PTPRD: variants seen among roughly 807,000 people sequenced by gnomAD.
The protein encoded by PTPRD is receptor-type tyrosine-protein phosphatase delta.
Under a neutral mutation model 214.5 loss-of-function variants are expected in PTPRD, and 34 were observed. The observed-to-expected ratio is 0.16, with a 90% CI of 0.12 to 0.21. The LOEUF is 0.21. PTPRD is among the 10% of genes least tolerant of loss of function. The pLI, the probability that PTPRD is intolerant of heterozygous loss-of-function variation, is 1.00. For missense variants in PTPRD, 2,545 were observed against 2,398.7 expected (o/e 1.06, Z -1.27); for synonymous variants, 1,128 against 845.7 (o/e 1.33, Z -5.79).
At chr9:10,031,028 T>C (rs148480105) in intron 4 of PTPRD, among the ~76,000 whole-genome samples, 1 of 152,144 alleles carries the variant, frequency 6.6e-6, no homozygotes, top group East Asian at 1.9e-4. Context: ...AGAGCAAAAT[T>C]GATTAATCTA....
intron 35 of PTPRD, among the ~76,000 whole-genome samples, chr9:8,414,168 A>T (rs1019754252): frequency 6.6e-6 from 1 of 152,176 alleles, no homozygotes; most frequent in African/African-American, 2.4e-5. Context: ...ATGATGAAAC[A>T]AATATATATT....
chr9:10,349,962 G>T (rs1462348653), intron 2 of PTPRD, among the ~76,000 whole-genome samples: 2 of 152,150 alleles, frequency 1.3e-5, no homozygotes, highest in Non-Finnish European at 2.9e-5. Context: ...TGCCCAGCCG[G>T]GATCCTTTTT....
At chr9:9,265,203 A>G (rs1938710559) in intron 9 of PTPRD, among the ~76,000 whole-genome samples, 1 of 151,700 alleles carries the variant, frequency 6.6e-6, no homozygotes, top group African/African-American at 2.4e-5. Flanking sequence ...AGACAAAAAT[A>G]TTGAAAATAA....
chr9:8,833,715 TACACACACACAC>T lies in PTPRD; in HGVS notation c.-103-99781_-103-99770del, dbSNP rs1177957119. Among the ~76,000 whole-genome samples, 32 of 133,748 alleles carry T rather than the reference TACACACACACAC, an allele frequency of 2.4e-4. No homozygotes were observed. In the East Asian group the frequency reaches 6.4e-3, roughly 27 times the overall value. 87.7% of individuals were successfully genotyped at this position (133,748 alleles called of 152,430 possible). A position where few individuals can be genotyped will look rare whatever the true frequency, so the allele number is the denominator to read the frequency against. ...CTCTCTCTCTCTATATATATATATA[TACACACACACAC>T]ACACACACACACACACACACGATTC... On this transcript the variant is annotated intron_variant, in intron 11 of 45. Coordinates refer to ENST00000381196, the MANE Select transcript of PTPRD (RefSeq NM_002839.4).
intron 6 of PTPRD, among the ~76,000 whole-genome samples, chr9:9,734,867 A>G (rs2098265158): frequency 6.6e-6 from 1 of 152,062 alleles, no homozygotes; most frequent in Admixed American, 6.6e-5. Flanking sequence ...TAAGTTCTCA[A>G]AGAAGGGAGA....
intron 4 of PTPRD, among the ~76,000 whole-genome samples, chr9:9,951,618 G>T (rs1406028853): frequency 6.6e-6 from 1 of 152,198 alleles, no homozygotes; most frequent in African/African-American, 2.4e-5. Context: ...GATATTATCT[G>T]AGATGAATTT....
intron 2 of PTPRD, among the ~76,000 whole-genome samples, chr9:10,531,074 C>G (rs929194624): frequency 5.3e-5 from 8 of 151,966 alleles, no homozygotes; most frequent in Admixed American, 2.0e-4. Flanking sequence ...GTAAGCCTTC[C>G]GAGTGGCTGG....
intron 3 of PTPRD, among the ~76,000 whole-genome samples, chr9:10,230,284 G>A (rs886524397): frequency 6.6e-6 from 1 of 152,028 alleles, no homozygotes; most frequent in Non-Finnish European, 1.5e-5. Flanking sequence ...ATTGCGTTGT[G>A]TTAAGCCATT....
chr9:9,066,886 A>G (rs749454253), intron 10 of PTPRD, among the ~76,000 whole-genome samples: 1 of 152,194 alleles, frequency 6.6e-6, no homozygotes, highest in Admixed American at 6.5e-5. Context: ...AAATTCAAGA[A>G]CTGTGAGAGA....
At chr9:8,562,529 C>T (rs1001127874) in intron 14 of PTPRD, among the ~76,000 whole-genome samples, 2 of 151,930 alleles carry the variant, frequency 1.3e-5, no homozygotes, top group Admixed American at 6.6e-5. Flanking sequence ...CTCGAACTCC[C>T]AGGTTCAAGT....
Position 10,119,599 on chromosome 9 carries a change from A to G in PTPRD, c.-544-85809T>C, listed in dbSNP as rs544895514. 7.2e-5 allele frequency among the ~76,000 whole-genome samples: 11 copies of G among 152,178 alleles called. No individual in the cohort carries two copies. In the East Asian group the frequency reaches 1.9e-3, roughly 27 times the overall value. Reference sequence around the variant, plus strand: ...GTCAAAGATTTTATTCAAGTCATTCATTATTGAGGGAACCGGTAAGATATT... The same window carrying G: ...GTCAAAGATTTTATTCAAGTCATTCGTTATTGAGGGAACCGGTAAGATATT... On this transcript the variant is annotated intron_variant, in intron 3 of 45. Transcript: ENST00000381196.
intron 2 of PTPRD, among the ~76,000 whole-genome samples, chr9:10,367,098 C>G: frequency 6.7e-6 from 1 of 148,150 alleles, no homozygotes; most frequent in Non-Finnish European, 1.5e-5. Context: ...AAAAAAAGGA[C>G]CTGTGCCTTA....
intron 3 of PTPRD, among the ~76,000 whole-genome samples, chr9:10,049,790 G>T (rs1589730101): frequency 6.6e-6 from 1 of 152,112 alleles, no homozygotes. Flanking sequence ...CTTCATGCTT[G>T]ATGAGTAGAA....
chr9:9,096,695 A>G (rs996482558), intron 10 of PTPRD, among the ~76,000 whole-genome samples: 3 of 152,210 alleles, frequency 2.0e-5, no homozygotes, highest in African/African-American at 7.2e-5. Flanking sequence ...TAATCACAAT[A>G]GTTTCAGTCT....
intron 8 of PTPRD, among the ~76,000 whole-genome samples, chr9:9,508,242 T>G (rs746416903): frequency 9.9e-5 from 15 of 151,478 alleles, no homozygotes; most frequent in Non-Finnish European, 2.1e-4. Context: ...ACACTGTATC[T>G]ATTTTCCTTA....
chr9:9,358,844 G>A (rs997861460), intron 9 of PTPRD, among the ~76,000 whole-genome samples: 1 of 151,250 alleles, frequency 6.6e-6, no homozygotes, highest in Non-Finnish European at 1.5e-5. Context: ...TCTTGTATAG[G>A]AAACTCAAGG....
At chr9:10,341,933 C>T (rs908636327) in intron 2 of PTPRD, among the ~76,000 whole-genome samples, 3 of 151,914 alleles carry the variant, frequency 2.0e-5, no homozygotes, top group African/African-American at 4.8e-5. Flanking sequence ...TTAATGGTAT[C>T]TTTCACAGTG....
At chr9:8,433,585 T>A (rs1182395517) in intron 35 of PTPRD, among the ~76,000 whole-genome samples, 1 of 152,186 alleles carries the variant, frequency 6.6e-6, no homozygotes, top group Non-Finnish European at 1.5e-5. Context: ...CCTAGATTAA[T>A]GCATGTCTTT....
intron 2 of PTPRD, among the ~76,000 whole-genome samples, chr9:10,492,413 C>A (rs923866193): frequency 2.0e-5 from 3 of 151,998 alleles, no homozygotes; most frequent in African/African-American, 4.8e-5. Context: ...TTCTAGCTGG[C>A]ATGAGATGGT....
Sources: gnomAD v4.1 joint callset for allele counts (sites outside exome capture counted in the v4.1 genomes callset) on GRCh38, gnomAD v4.1.1 for gene constraint, MANE v1.5 for transcripts, NCBI Gene and HGNC (gene_info 2026-07-23, HGNC 2026-07-21) for gene names.